ATOSA: variants seen among roughly 807,000 people sequenced by gnomAD.
ATOSA encodes atos homolog protein A.
the ATOSA span, among the ~76,000 whole-genome samples, chr15:52,665,951 C>A: frequency 6.6e-6 from 1 of 151,930 alleles, no homozygotes; most frequent in Non-Finnish European, 1.5e-5. Context: ...AAAAAAGTTT[C>A]CTAAACAGTA....
the ATOSA span, among the ~76,000 whole-genome samples, chr15:52,644,174 C>T: frequency 5.3e-5 from 8 of 151,868 alleles, no homozygotes; most frequent in South Asian, 2.1e-4. Context: ...CCTCCAACCT[C>T]GGCCTCCCAA....
chr15:52,701,744 A>G, the ATOSA span, among the ~76,000 whole-genome samples: 1 of 152,222 alleles, frequency 6.6e-6, no homozygotes, highest in Non-Finnish European at 1.5e-5. Flanking sequence ...TGTGCATTAA[A>G]ACACTTTAAG....
chr15:52,625,622 T>A, the ATOSA span, among the ~76,000 whole-genome samples: 3 of 152,014 alleles, frequency 2.0e-5, no homozygotes, highest in Non-Finnish European at 4.4e-5. Context: ...CAACCAAGTA[T>A]CTCTGCTCTG....
chr15:52,661,968 G>C, the ATOSA span, among the ~76,000 whole-genome samples: 1 of 139,374 alleles, frequency 7.2e-6, no homozygotes, highest in African/African-American at 2.7e-5. Flanking sequence ...AAAAAAAGGA[G>C]TAATGAATGA....
At chr15:52,613,927 A>G in the ATOSA span, 1 of 1,202,072 alleles carries the variant, frequency 8.3e-7, no homozygotes, top group Non-Finnish European at 1.2e-6. Flanking sequence ...TGGTCTGCCT[A>G]AAATAACTAA....
chr15:52,656,115 T>C, the ATOSA span: 1 of 152,116 alleles, frequency 6.6e-6, no homozygotes, highest in Admixed American at 6.6e-5. Context: ...CAAAGAAAGA[T>C]TTCTGTGAAG....
chr15:52,602,733 A>C, the ATOSA span, among the ~76,000 whole-genome samples: 2 of 152,030 alleles, frequency 1.3e-5, no homozygotes, highest in Non-Finnish European at 2.9e-5. Flanking sequence ...AGATGGATAC[A>C]TTTTCCCCCT....
At chr15:52,686,265 C>G in the ATOSA span, among the ~76,000 whole-genome samples, 5 of 152,122 alleles carry the variant, frequency 3.3e-5, no homozygotes, top group Non-Finnish European at 7.4e-5. Flanking sequence ...AATGAGAATT[C>G]CACAATAATA....
At chr15:52,650,182 T>C in the ATOSA span, among the ~76,000 whole-genome samples, 2 of 152,306 alleles carry the variant, frequency 1.3e-5, no homozygotes, top group East Asian at 1.9e-4. Flanking sequence ...TTTAACAAAC[T>C]TGAGTCCTCT....
chr15:52,679,747 A>AGTC, the ATOSA span, among the ~76,000 whole-genome samples: 4 of 131,308 alleles, frequency 3.0e-5, no homozygotes, highest in Non-Finnish European at 6.4e-5. Context: ...GGATAATTAT[A>AGTC]GTCGTCGTCT....
chr15:52,652,243 G>A, the ATOSA span, among the ~76,000 whole-genome samples: 2 of 152,228 alleles, frequency 1.3e-5, no homozygotes, highest in Admixed American at 6.5e-5. Flanking sequence ...ACAGTAGACT[G>A]ATAATGGCAA....
the ATOSA span, among the ~76,000 whole-genome samples, chr15:52,682,348 A>T: frequency 1.0e-3 from 159 of 152,214 alleles, 1 homozygote; most frequent in East Asian, 7.9e-3. Context: ...TTAGATATGT[A>T]CAGTAATGAA....
chr15:52,653,668 T>C, the ATOSA span, among the ~76,000 whole-genome samples: 1 of 152,216 alleles, frequency 6.6e-6, no homozygotes, highest in South Asian at 2.1e-4. Flanking sequence ...AGTTTCCTCA[T>C]CTGTACAACT....
the ATOSA span, among the ~76,000 whole-genome samples, chr15:52,622,574 C>A: frequency 2.0e-5 from 3 of 152,134 alleles, no homozygotes; most frequent in Admixed American, 2.0e-4. Flanking sequence ...ATGCTAAGTA[C>A]TATGCCATAA....
chr15:52,678,629 A>C, the ATOSA span: 1 of 153,742 alleles, frequency 6.5e-6, no homozygotes, highest in African/African-American at 2.4e-5. Flanking sequence ...GTTTACACAG[A>C]AACCCGAGTC....
the ATOSA span, among the ~76,000 whole-genome samples, chr15:52,632,337 A>T: frequency 2.6e-5 from 4 of 152,184 alleles, no homozygotes; most frequent in African/African-American, 9.7e-5. Context: ...AAATAATACC[A>T]TAAAAGTTAA....
At chr15:52,684,570 C>T in the ATOSA span, among the ~76,000 whole-genome samples, 3 of 152,142 alleles carry the variant, frequency 2.0e-5, no homozygotes, top group Non-Finnish European at 4.4e-5. Flanking sequence ...GATAACTGAA[C>T]TCATTTTTAA....
chr15:52,694,170 T>G, the ATOSA span, among the ~76,000 whole-genome samples: 1 of 96,650 alleles, frequency 1.0e-5, no homozygotes, highest in Non-Finnish European at 2.2e-5. Flanking sequence ...ATATATATAT[T>G]TTTTTTTTTT....
the ATOSA span, among the ~76,000 whole-genome samples, chr15:52,612,650 A>G: frequency 6.6e-6 from 1 of 151,564 alleles, no homozygotes; most frequent in Admixed American, 6.6e-5. Flanking sequence ...GATTACAGGC[A>G]CCCACCACCA....
Sources: gnomAD v4.1 joint callset for allele counts (sites outside exome capture counted in the v4.1 genomes callset) on GRCh38, gnomAD v4.1.1 for gene constraint, MANE v1.5 for transcripts, NCBI Gene and HGNC (gene_info 2026-07-23, HGNC 2026-07-21) for gene names.